KCTD8: variants seen among roughly 807,000 people sequenced by gnomAD.
KCTD8 encodes the protein BTB/POZ domain-containing protein KCTD8.
KCTD8 carries 27 observed loss-of-function variants against 31.5 expected under a neutral mutation model. The ratio of observed to expected loss-of-function variants is 0.86; its 90% confidence interval spans 0.63 to 1.18. The LOEUF is 1.18. KCTD8 is among the 50% of genes most tolerant of loss of function. KCTD8 has a pLI of 0.00. For synonymous variants in KCTD8, 290 were observed against 280.0 expected (o/e 1.04, Z -0.36); for missense variants, 658 against 647.7 (o/e 1.02, Z -0.17).
At chr4:44,386,571 T>A (rs1379193476) in intron 1 of KCTD8, among the ~76,000 whole-genome samples, 1 of 150,750 alleles carries the variant, frequency 6.6e-6, no homozygotes, top group Non-Finnish European at 1.5e-5. Flanking sequence ...CCCGTTAAAA[T>A]GGCATATCCA....
At chr4:44,199,813 C>T (rs947654843) in intron 1 of KCTD8, among the ~76,000 whole-genome samples, 1 of 151,702 alleles carries the variant, frequency 6.6e-6, no homozygotes, top group African/African-American at 2.4e-5. Flanking sequence ...CAGAGAAGAA[C>T]TGAATGAAAC....
intron 1 of KCTD8, among the ~76,000 whole-genome samples, chr4:44,324,053 A>AAAAAC (rs1553901459): frequency 8.0e-4 from 116 of 145,000 alleles, no homozygotes; most frequent in African/African-American, 2.9e-3. Context: ...TTAAAAAAAA[A>AAAAAC]AAAACAAAAC....
chr4:44,416,101 G>A (rs1268874380), intron 1 of KCTD8, among the ~76,000 whole-genome samples: 1 of 152,234 alleles, frequency 6.6e-6, no homozygotes, highest in African/African-American at 2.4e-5. Context: ...TGCCCAGAAT[G>A]CAGGACATGG....
intron 1 of KCTD8, among the ~76,000 whole-genome samples, chr4:44,324,448 T>C (rs1344689477): frequency 6.6e-6 from 1 of 152,066 alleles, no homozygotes; most frequent in African/African-American, 2.4e-5. Flanking sequence ...TCAGGGAAAT[T>C]TGCATGTCTC....
chr4:44,213,964 G>A (rs181194839), intron 1 of KCTD8, among the ~76,000 whole-genome samples: 1 of 152,260 alleles, frequency 6.6e-6, no homozygotes, highest in East Asian at 1.9e-4. Context: ...ACCTATACCA[G>A]AAAGAGAACA....
intron 1 of KCTD8, among the ~76,000 whole-genome samples, chr4:44,403,402 T>C (rs1720711005): frequency 6.7e-6 from 1 of 149,854 alleles, no homozygotes; most frequent in East Asian, 2.0e-4. Flanking sequence ...GTAGGGACTT[T>C]ATGCTAGTTT....
At chr4:44,213,650 G>GGTTTTCAT (rs1380692123) in intron 1 of KCTD8, among the ~76,000 whole-genome samples, 32 of 152,008 alleles carry the variant, frequency 2.1e-4, no homozygotes, top group African/African-American at 7.2e-4. Flanking sequence ...AATCCCTGTG[G>GGTTTTCAT]TATAAGGGCA....
chr4:44,448,418 G>C lies in KCTD8; in HGVS notation c.106C>G (p.Pro36Ala), dbSNP rs745337313. 1 of 1,566,214 alleles carries C rather than the reference G, an allele frequency of 6.4e-7. No homozygotes were observed. The highest frequency in any genetic ancestry group is 2.0e-5 in the Admixed American group (1 of 49,348). Residue 36 changes from proline (P) to alanine (A), a missense_variant, in exon 1 of 2, where the codon CCC (proline) becomes GCC (alanine). Physicochemically the swap from Pro to Ala is conservative, Grantham distance 27. Coordinates refer to ENST00000360029, the MANE Select transcript of KCTD8 (RefSeq NM_198353.3). This position sits in a 1 kb window ranked among gnomAD's most constrained non-coding sequence, Gnocchi z 4.1. ...TCAGGGAAGGGCGAGGGTGCGCAGG[G>C]CCCCGGGGCGGCGGCGGCCGACGCG... ...PGASAAAAPG[P>A]CAPSPFPEVV...
chr4:44,179,798 AACTTAGTAG>A (rs1713326452), intron 1 of KCTD8, among the ~76,000 whole-genome samples: 1 of 152,064 alleles, frequency 6.6e-6, no homozygotes, highest in Non-Finnish European at 1.5e-5. Context: ...TATTATTGAT[AACTTAGTAG>A]ATTTAAATTG....
intron 1 of KCTD8, among the ~76,000 whole-genome samples, chr4:44,178,099 C>T (rs1297816866): frequency 1.3e-5 from 2 of 152,218 alleles, no homozygotes; most frequent in Non-Finnish European, 2.9e-5. Context: ...CCAGAAAATA[C>T]TAGCCTTGTG....
intron 1 of KCTD8, among the ~76,000 whole-genome samples, chr4:44,354,914 G>A (rs1719303212): frequency 6.6e-6 from 1 of 152,060 alleles, no homozygotes; most frequent in African/African-American, 2.4e-5. Context: ...GAGTGAAAAA[G>A]AACTATGAAA....
chr4:44,194,444 T>A (rs914434792), intron 1 of KCTD8, among the ~76,000 whole-genome samples: 1 of 152,334 alleles, frequency 6.6e-6, no homozygotes, highest in African/African-American at 2.4e-5. Context: ...AAATGTTATG[T>A]CAGGGGTAAA....
At chr4:44,383,193 C>T (rs1720119738) in intron 1 of KCTD8, among the ~76,000 whole-genome samples, 1 of 151,870 alleles carries the variant, frequency 6.6e-6, no homozygotes, top group African/African-American at 2.4e-5. Flanking sequence ...TGAAAGACAT[C>T]CCATGATCAT....
In KCTD8 at chr4:44,448,005, G is replaced by GC; in HGVS notation, c.518dup (p.Ser173ArgfsTer109). ...CCCCGCGCAGCAGCAGCGCGTCGCT[G>GC]CTACCCTGCGAGACGTTGTCCTCCA... On this transcript the variant is annotated frameshift_variant, in exon 1 of 2. Coordinates refer to ENST00000360029, the MANE Select transcript of KCTD8 (RefSeq NM_198353.3). LOFTEE classifies it high-confidence loss of function. The surrounding 1 kb of genome is among the most constrained non-coding windows in gnomAD (Gnocchi z 4.1). The GC allele has an allele frequency of 6.3e-7, 1 of 1,586,962 alleles. No homozygotes were observed. Among genetic ancestry groups the GC allele is most frequent in the Non-Finnish European group, 8.6e-7 (1 of 1,166,848 alleles).
At chr4:44,338,457 T>C (rs1465708078) in intron 1 of KCTD8, among the ~76,000 whole-genome samples, 1 of 152,174 alleles carries the variant, frequency 6.6e-6, no homozygotes, top group African/African-American at 2.4e-5. Context: ...ACAAATCACC[T>C]AGATGCATGA....
intron 1 of KCTD8, among the ~76,000 whole-genome samples, chr4:44,176,588 AT>A (rs907897115): frequency 1.6e-4 from 24 of 152,118 alleles, no homozygotes; most frequent in South Asian, 2.1e-4. Flanking sequence ...TTCTATCACC[AT>A]TTTTTTTCTA....
At chr4:44,388,671 T>C (rs1038177580) in intron 1 of KCTD8, among the ~76,000 whole-genome samples, 4 of 151,168 alleles carry the variant, frequency 2.6e-5, no homozygotes, top group Non-Finnish European at 5.9e-5. Flanking sequence ...CATGCACACA[T>C]AGAGGAAAAT....
At chr4:44,445,656 G>A (rs564535429) in intron 1 of KCTD8, among the ~76,000 whole-genome samples, 1 of 152,056 alleles carries the variant, frequency 6.6e-6, no homozygotes, top group African/African-American at 2.4e-5. Flanking sequence ...CATCTTTCTA[G>A]AGGAATAAGA....
At chr4:44,180,102 T>C (rs1472869063) in intron 1 of KCTD8, among the ~76,000 whole-genome samples, 1 of 152,180 alleles carries the variant, frequency 6.6e-6, no homozygotes, top group Non-Finnish European at 1.5e-5. Context: ...TCTGTGTCTC[T>C]TCAACTAGTA....
Sources: gnomAD v4.1 joint callset for allele counts (sites outside exome capture counted in the v4.1 genomes callset) on GRCh38, gnomAD v4.1.1 for gene constraint, Gnocchi (gnomAD v3.1) non-coding constraint, MANE v1.5 for transcripts, NCBI Gene and HGNC (gene_info 2026-07-23, HGNC 2026-07-21) for gene names.